Variants in NLGN1 observed in about 807,000 individuals in gnomAD.
NLGN1 encodes the protein neuroligin 1.
Under a neutral mutation model 65.5 loss-of-function variants are expected in NLGN1, and 12 were observed. That is an observed-to-expected ratio of 0.18 (90% confidence interval 0.12 to 0.30). The LOEUF is 0.30. Among genes scored for constraint, NLGN1 ranks in the 10% least tolerant of loss-of-function variants. The probability of loss-of-function intolerance (pLI) is 1.00; values close to 1 mark genes in which losing one functional copy is unlikely to be tolerated. For synonymous variants in NLGN1, 350 were observed against 359.5 expected (o/e 0.97, Z 0.30); for missense variants, 750 against 1,007.1 (o/e 0.74, Z 3.46).
At chr3:173,866,078 T>C (rs1730105577) in intron 4 of NLGN1, among the ~76,000 whole-genome samples, 1 of 152,148 alleles carries the variant, frequency 6.6e-6, no homozygotes, top group African/African-American at 2.4e-5. Flanking sequence ...CACATCTGCT[T>C]CTTTCCCTTG....
chr3:174,093,598 G>A lies in NLGN1; in HGVS notation c.647-181717G>A, dbSNP rs570643061. On this transcript the variant is annotated intron_variant, in intron 4 of 6. Coordinates refer to ENST00000457714, the Ensembl canonical transcript of NLGN1. ...AGCAATAGGTTAATGCTGTACATTA[G>A]CCTATTTGATATAAATGAAACCACA... Among the ~76,000 whole-genome samples, 411 of 152,270 alleles carry A rather than the reference G, an allele frequency of 2.7e-3. 1 individual carries two copies. The highest frequency in any genetic ancestry group is 9.4e-3 in the African/African-American group (391 of 41,568).
chr3:173,995,552 C>T (rs1722081160), intron 4 of NLGN1, among the ~76,000 whole-genome samples: 1 of 152,000 alleles, frequency 6.6e-6, no homozygotes, highest in Non-Finnish European at 1.5e-5. Flanking sequence ...AGAAAACTTT[C>T]TGCCCTGAGT....
chr3:173,923,167 A>T (rs1316143199), intron 4 of NLGN1, among the ~76,000 whole-genome samples: 1 of 152,102 alleles, frequency 6.6e-6, no homozygotes, highest in Non-Finnish European at 1.5e-5. Flanking sequence ...TTAAAAGTGA[A>T]GAGGAAATAG....
At chr3:173,459,876 CTTATTT>C in intron 2 of NLGN1, among the ~76,000 whole-genome samples, 1 of 151,808 alleles carries the variant, frequency 6.6e-6, no homozygotes, top group Middle Eastern at 3.4e-3. Context: ...AATCAGGAGC[CTTATTT>C]ATAAAGCTGT....
intron 2 of NLGN1, among the ~76,000 whole-genome samples, chr3:173,495,171 T>C (rs1046274655): frequency 6.6e-6 from 1 of 151,800 alleles, no homozygotes; most frequent in African/African-American, 2.4e-5. Context: ...CTCTCAGCAA[T>C]GCTTTTATCA....
chr3:173,869,693 G>C (rs1730816371), intron 4 of NLGN1, among the ~76,000 whole-genome samples: 2 of 152,046 alleles, frequency 1.3e-5, no homozygotes, highest in Admixed American at 6.6e-5. Context: ...ATTATCACAG[G>C]TATTGGGAGA....
intron 4 of NLGN1, among the ~76,000 whole-genome samples, chr3:174,116,239 G>A (rs147859821): frequency 1.5e-4 from 22 of 150,016 alleles, no homozygotes; most frequent in Non-Finnish European, 2.5e-4. Context: ...AACACCACTC[G>A]TCATCAACAT....
chr3:174,016,365 G>A (rs1461402606), intron 4 of NLGN1, among the ~76,000 whole-genome samples: 1 of 152,208 alleles, frequency 6.6e-6, no homozygotes. Flanking sequence ...TACTCAGACT[G>A]TCTTATGACT....
At chr3:174,186,465 T>C (rs1731418393) in intron 4 of NLGN1, among the ~76,000 whole-genome samples, 1 of 152,042 alleles carries the variant, frequency 6.6e-6, no homozygotes, top group South Asian at 2.1e-4. Flanking sequence ...TTGCAAGAGT[T>C]TTTCCTAATG....
intron 2 of NLGN1, among the ~76,000 whole-genome samples, chr3:173,455,422 C>T (rs183583326): frequency 1.6e-4 from 25 of 152,270 alleles, no homozygotes; most frequent in Non-Finnish European, 2.5e-4. Context: ...CTACCTCCAA[C>T]ATTTGAGGTT....
chr3:173,754,453 A>G (rs1319224358), intron 3 of NLGN1, among the ~76,000 whole-genome samples: 2 of 152,036 alleles, frequency 1.3e-5, no homozygotes, highest in African/African-American at 4.8e-5. Flanking sequence ...TCTCTGTTTC[A>G]TATTTTTTCT....
chr3:173,788,150 C>G (rs925767243), intron 3 of NLGN1, among the ~76,000 whole-genome samples: 4 of 144,714 alleles, frequency 2.8e-5, no homozygotes. Context: ...TGACATTTTA[C>G]CTTTAAATTT....
intron 3 of NLGN1, among the ~76,000 whole-genome samples, chr3:173,793,212 A>T (rs1284910659): frequency 2.6e-5 from 4 of 152,166 alleles, no homozygotes; most frequent in Non-Finnish European, 5.9e-5. Flanking sequence ...GGTAGAAGCA[A>T]CCAAGAGCTT....
chr3:173,403,126 C>T (rs916752149), intron 1 of NLGN1, among the ~76,000 whole-genome samples: 1 of 152,024 alleles, frequency 6.6e-6, no homozygotes, highest in Non-Finnish European at 1.5e-5. Flanking sequence ...ATATGTCTGG[C>T]TGCATGCTTC....
At position 174,280,655 on chromosome 3, in the gene NLGN1, G is replaced by A. The variant is rs764250316; in HGVS notation, c.1824G>A (p.Glu608=). The change falls in exon 7 of 7, where the codon GAG becomes GAA. Residue 608 remains glutamate, a synonymous_variant. Coordinates refer to ENST00000457714, the Ensembl canonical transcript of NLGN1. This position sits in a 1 kb window ranked among gnomAD's most constrained non-coding sequence, Gnocchi z 4.9. ...CCAATAAGGTGAACCTCTGGTTGGA[G>A]TTGGTACCTCATCTGCATAATCTCA... 1.2e-6 allele frequency: 2 copies of A among 1,613,284 alleles called. No individual in the cohort carries two copies. Among genetic ancestry groups the A allele is most frequent in the South Asian group, 1.1e-5 (1 of 91,062 alleles).
chr3:173,465,944 G>A (rs1025989418), intron 2 of NLGN1, among the ~76,000 whole-genome samples: 7 of 152,116 alleles, frequency 4.6e-5, no homozygotes, highest in Admixed American at 3.9e-4. Context: ...TTGTTGATAC[G>A]GGAGCTAGAT....
chr3:174,048,138 A>G (rs1299757483), intron 4 of NLGN1, among the ~76,000 whole-genome samples: 2 of 152,142 alleles, frequency 1.3e-5, no homozygotes, highest in Non-Finnish European at 2.9e-5. Context: ...ATTGTGGGAT[A>G]GAGTCAACAT....
rs146890326 is a variant in NLGN1, at chr3:173,975,628, T to C, written c.646+167796T>C. Among the ~76,000 whole-genome samples the C allele has an allele frequency of 4.4e-3, 675 of 152,094 alleles. 5 individuals carry two copies. The highest frequency in any genetic ancestry group is 0.015 in the African/African-American group (632 of 41,518). On this transcript the variant is annotated intron_variant, in intron 4 of 6. Transcript: ENST00000457714. Reference sequence around the variant, plus strand: ...ACAGGGTATGTGACATTACCCAAGATTGCATGGCATGGGTGAGAAATTATC... The same window carrying C: ...ACAGGGTATGTGACATTACCCAAGACTGCATGGCATGGGTGAGAAATTATC...
At chr3:173,601,828 A>G (rs572249838) in intron 2 of NLGN1, among the ~76,000 whole-genome samples, 17 of 152,210 alleles carry the variant, frequency 1.1e-4, no homozygotes, top group African/African-American at 3.6e-4. Flanking sequence ...AAAATAAAAT[A>G]TTAACTTCCA....
Sources: allele counts gnomAD v4.1 joint callset (sites outside exome capture counted in the v4.1 genomes callset), GRCh38; gene constraint gnomAD v4.1.1; non-coding constraint Gnocchi (gnomAD v3.1); transcripts MANE v1.5; gene names NCBI Gene and HGNC (gene_info 2026-07-23, HGNC 2026-07-21).